Variants in MYOM1 observed in about 807,000 individuals in gnomAD.
MYOM1 encodes the protein myomesin-1.
Under a neutral mutation model 205.3 loss-of-function variants are expected in MYOM1, and 164 were observed. The ratio of observed to expected loss-of-function variants is 0.80; its 90% CI spans 0.70 to 0.91. MYOM1 has a LOEUF of 0.91. Among genes scored for constraint, MYOM1 ranks in the 40% least tolerant of loss-of-function variants. The pLI, the probability that MYOM1 is intolerant of heterozygous loss-of-function variation, is 0.00. For synonymous variants in MYOM1, 772 were observed against 789.4 expected (o/e 0.98, Z 0.37); for missense variants, 2,011 against 2,127.3 (o/e 0.95, Z 1.08).
At position 3,084,065 on chromosome 18, in the gene MYOM1, A is replaced by G. The variant is rs146944811; in HGVS notation, c.4340-38T>C. On this transcript the variant is annotated intron_variant, in intron 31 of 37. Coordinates refer to ENST00000356443, the MANE Select transcript of MYOM1 (RefSeq NM_003803.4). ...ATTCAGAGCCAAAACTTTAGCATAA[A>G]AATTCTCAATGTAAGGTTAAATCTC... The G allele has an allele frequency of 7.4e-4, 1,157 of 1,557,050 alleles. 12 individuals are homozygous for G. In the African/African-American group the frequency reaches 0.014, roughly 19 times the overall value.
intron 16 of MYOM1, 74 bp downstream of exon 16, chr18:3,134,576 G>T (rs2079925361): frequency 1.4e-6 from 2 of 1,447,206 alleles, no homozygotes; most frequent in South Asian, 1.5e-5. Flanking sequence ...CTCCTCCATT[G>T]GATGTCTGTG....
chr18:3,163,029 A>C (rs1478521520), intron 10 of MYOM1, among the ~76,000 whole-genome samples: 1 of 65,874 alleles, frequency 1.5e-5, no homozygotes, highest in Admixed American at 1.5e-4. Flanking sequence ...TCCCACTCAA[A>C]AAAACAAAAA....
At chr18:3,151,259 C>T (rs1413034485) in intron 12 of MYOM1, among the ~76,000 whole-genome samples, 1 of 151,380 alleles carries the variant, frequency 6.6e-6, no homozygotes, top group Non-Finnish European at 1.5e-5. Flanking sequence ...TATTAATGCT[C>T]TAAGGGTGGA....
intron 13 of MYOM1, among the ~76,000 whole-genome samples, chr18:3,148,014 A>T (rs527944637): frequency 3.3e-5 from 5 of 152,360 alleles, no homozygotes; most frequent in African/African-American, 1.2e-4. Context: ...GTAAAATGCA[A>T]ATCAAAGCCA....
intron 5 of MYOM1, among the ~76,000 whole-genome samples, chr18:3,186,851 AG>A (rs2080823021): frequency 6.6e-6 from 1 of 151,048 alleles, no homozygotes; most frequent in Non-Finnish European, 1.5e-5. Flanking sequence ...AAAGAAAGAA[AG>A]GGAAAGGAAG....
At chr18:3,071,962 G>A (rs1382015031) in intron 36 of MYOM1, 73 bp from the exon 37 acceptor site, 5 of 1,317,746 alleles carry the variant, frequency 3.8e-6, no homozygotes, top group East Asian at 2.5e-5. Context: ...AACCACCCAG[G>A]AAGCTACATT....
intron 5 of MYOM1, among the ~76,000 whole-genome samples, chr18:3,186,846 AAG>A (rs1465020298): frequency 2.6e-5 from 4 of 151,140 alleles, no homozygotes; most frequent in Non-Finnish European, 4.4e-5. Flanking sequence ...AGAGAAAAGA[AAG>A]AAAGGGAAAG....
chr18:3,092,484 T>A (rs2079238707), intron 26 of MYOM1, among the ~76,000 whole-genome samples: 1 of 152,214 alleles, frequency 6.6e-6, no homozygotes, highest in South Asian at 2.1e-4. Context: ...TGAGCCACCA[T>A]GACTGGCCCT....
rs1029592719 is a variant in MYOM1 at position 3,181,769 on chromosome 18, C to G, written c.930-5635G>C. On this transcript the variant is annotated intron_variant, in intron 5 of 37. Transcript: ENST00000356443. ...TTTTTTTTTGAGACAGGGTCTTGCT[C>G]TGTCCCCCAGGCTGTAGCGCAGTGG... Among the ~76,000 whole-genome samples, 99 of 129,680 alleles carry G rather than the reference C, an allele frequency of 7.6e-4. 1 individual carries two copies. Among genetic ancestry groups the G allele is most frequent in the Non-Finnish European group, 3.1e-4 (20 of 63,938 alleles). The allele number at this position is 129,680 out of a possible 152,430, so 85.1% of individuals were successfully genotyped here.
intron 9 of MYOM1, among the ~76,000 whole-genome samples, chr18:3,166,254 A>G (rs2080467343): frequency 7.0e-6 from 1 of 142,306 alleles, no homozygotes; most frequent in African/African-American, 2.6e-5. Context: ...ATCTCTTTCT[A>G]TCTCAAGTCT....
In MYOM1 at chr18:3,134,764, A is replaced by T. The variant is rs764117510; in HGVS notation, c.2270T>A (p.Val757Asp). The T allele has an allele frequency of 6.2e-7, 1 of 1,613,792 alleles. No individual in the cohort carries two copies. Among genetic ancestry groups the T allele is most frequent in the Non-Finnish European group, 8.5e-7 (1 of 1,179,846 alleles). Residue 757 changes from valine to aspartate, a missense_variant, in exon 16 of 38, where the codon GTT becomes GAT. Physicochemically the swap from Val to Asp is radical, Grantham distance 152. Coordinates refer to ENST00000356443, the MANE Select transcript of MYOM1 (RefSeq NM_003803.4). ...GGCATCTTTGGACTCCTCCCACGAA[A>T]CTACCACTGAGGTGTCTGTGTTTCT... ...PSRNTDTSVV[V>D]SWEESKDAKE... is the part of the protein sequence containing the mutation.
At chr18:3,202,231 C>T (rs1422104217) in intron 2 of MYOM1, among the ~76,000 whole-genome samples, 2 of 151,956 alleles carry the variant, frequency 1.3e-5, no homozygotes, top group Non-Finnish European at 2.9e-5. Context: ...AAACAATACA[C>T]TAAAAAGGTC....
chr18:3,173,972 G>A lies in MYOM1; in HGVS notation c.1140C>T (p.Arg380=). ...GCATGGTGGAAGCCCCAGCGTGGAA[G>A]CGAGTCTCATCAAACTCTCCCTTAT... ...KRYKGEFDET[R]FHAGASTMPL... The change falls in exon 8 of 38, where the codon CGC becomes CGT. Residue 380 remains arginine (R), a synonymous_variant. Transcript: ENST00000356443. 1.2e-6 allele frequency: 2 copies of A among 1,613,528 alleles called. No individual in the cohort carries two copies. The highest frequency in any genetic ancestry group is 2.7e-5 in the African/African-American group (2 of 75,012).
chr18:3,070,494 C>A (rs1055142340), intron 37 of MYOM1, among the ~76,000 whole-genome samples: 1 of 152,016 alleles, frequency 6.6e-6, no homozygotes, highest in Non-Finnish European at 1.5e-5. Context: ...AAAAGCGAAT[C>A]CAGATTAGAA....
At chr18:3,169,333 T>G (rs931809133) in intron 8 of MYOM1, among the ~76,000 whole-genome samples, 1 of 152,254 alleles carries the variant, frequency 6.6e-6, no homozygotes, top group African/African-American at 2.4e-5. Flanking sequence ...TTTTAGATGT[T>G]GAGTTAAACT....
At position 3,182,913 on chromosome 18, in the gene MYOM1, CTTTTTTT is replaced by C. The variant is rs549386891; in HGVS notation, c.929+4560_929+4566del. 1.2e-3 allele frequency among the ~76,000 whole-genome samples: 111 copies of C among 92,268 alleles called. 1 individual carries two copies. The highest frequency in any genetic ancestry group is 2.2e-3 in the Non-Finnish European group (96 of 43,292). The allele number at this position is 92,268 out of a possible 152,430, so 60.5% of individuals were successfully genotyped here. A position where few individuals can be genotyped will look rare whatever the true frequency, so the allele number is the denominator to read the frequency against. On this transcript the variant is annotated intron_variant, in intron 5 of 37. Coordinates refer to ENST00000356443, the MANE Select transcript of MYOM1 (RefSeq NM_003803.4). ...CCTCTGCAACTAACTTTTCTTTCTT[CTTTTTTT>C]TTTTTTTTTTTTTTTTTTTTTTGAG...
chr18:3,172,606 T>C (rs1053912683), intron 8 of MYOM1, among the ~76,000 whole-genome samples: 1 of 152,030 alleles, frequency 6.6e-6, no homozygotes, highest in African/African-American at 2.4e-5. Flanking sequence ...GCCTCCCCAG[T>C]TCAAGCGATT....
At chr18:3,148,857 A>G (rs1254057186) in intron 13 of MYOM1, among the ~76,000 whole-genome samples, 10 of 147,376 alleles carry the variant, frequency 6.8e-5, no homozygotes, top group African/African-American at 2.3e-4. Context: ...AAAAAAAAAA[A>G]AAAAAAAAAA....
chr18:3,167,104 G>A (rs1294045190), intron 9 of MYOM1, among the ~76,000 whole-genome samples: 2 of 152,152 alleles, frequency 1.3e-5, no homozygotes, highest in Non-Finnish European at 2.9e-5. Flanking sequence ...AGGCAGACAA[G>A]TCAGAGAAAG....
Sources: gnomAD v4.1 joint callset for allele counts (sites outside exome capture counted in the v4.1 genomes callset) on GRCh38, gnomAD v4.1.1 for gene constraint, MANE v1.5 for transcripts, NCBI Gene and HGNC (gene_info 2026-07-23, HGNC 2026-07-21) for gene names.